The following MYRIP variants were observed in gnomAD, a reference collection of about 807,000 sequenced individuals.
MYRIP encodes rab effector MyRIP.
In MYRIP, 49 loss-of-function variants were observed where a neutral mutation model predicts 98.0. The observed-to-expected ratio is 0.50, with a 90% CI of 0.40 to 0.63. The LOEUF (loss-of-function observed/expected upper bound fraction) is 0.63, where lower values mean the gene tolerates loss of function less well. Ranked by LOEUF, MYRIP falls within the 30% of genes least tolerant of loss-of-function variation. MYRIP has a pLI of 0.00. For missense variants in MYRIP, 1,004 were observed against 1,058.2 expected (o/e 0.95, Z 0.71); for synonymous variants, 404 against 409.5 (o/e 0.99, Z 0.16).
chr3:39,979,675 A>C (rs1057363197), intron 2 of MYRIP, among the ~76,000 whole-genome samples: 13 of 152,024 alleles, frequency 8.6e-5, no homozygotes, highest in African/African-American at 2.4e-4. Context: ...AAAACAAAAA[A>C]AAACTAAGCA....
At chr3:40,192,187 G>A (rs192268799) in intron 10 of MYRIP, among the ~76,000 whole-genome samples, 11 of 150,074 alleles carry the variant, frequency 7.3e-5, no homozygotes, top group African/African-American at 2.7e-4. Context: ...AAGCTCCTGG[G>A]CTCAAACGAT....
intron 3 of MYRIP, among the ~76,000 whole-genome samples, chr3:40,137,630 C>T (rs746704030): frequency 3.3e-5 from 5 of 152,116 alleles, no homozygotes; most frequent in Non-Finnish European, 5.9e-5. Context: ...ATGCAAAAAT[C>T]CTCAATAAAA....
chr3:40,154,138 CAA>C (rs5848550), intron 4 of MYRIP, among the ~76,000 whole-genome samples: 3 of 138,404 alleles, frequency 2.2e-5, no homozygotes, highest in African/African-American at 2.8e-5. Context: ...GATTCCGTCT[CAA>C]AAAAAAAAAA....
chr3:39,964,720 CT>C (rs1345424688), intron 2 of MYRIP, among the ~76,000 whole-genome samples: 2 of 152,076 alleles, frequency 1.3e-5, no homozygotes, highest in Non-Finnish European at 2.9e-5. Flanking sequence ...TGTCATGAAC[CT>C]TTGAAGAAGA....
At chr3:39,836,818 G>GAGT (rs1302536085) in intron 1 of MYRIP, among the ~76,000 whole-genome samples, 1 of 152,220 alleles carries the variant, frequency 6.6e-6, no homozygotes, top group Non-Finnish European at 1.5e-5. Context: ...ATGGTTAAGA[G>GAGT]AGTAGTTCTA....
At chr3:40,165,272 A>G (rs1328400725) in intron 5 of MYRIP, among the ~76,000 whole-genome samples, 2 of 152,230 alleles carry the variant, frequency 1.3e-5, no homozygotes, top group African/African-American at 4.8e-5. Flanking sequence ...TGACATACTC[A>G]TCAGCTAGCT....
chr3:40,078,181 C>T (rs986715323), intron 3 of MYRIP, among the ~76,000 whole-genome samples: 2 of 152,258 alleles, frequency 1.3e-5, no homozygotes, highest in Non-Finnish European at 2.9e-5. Flanking sequence ...TGCTAAGCCC[C>T]TCATTGCCCA....
chr3:40,100,493 A>G (rs1012516322), intron 3 of MYRIP, among the ~76,000 whole-genome samples: 5 of 152,226 alleles, frequency 3.3e-5, no homozygotes, highest in Non-Finnish European at 5.9e-5. Context: ...CTATTTCAAC[A>G]ATATGGGTGG....
chr3:40,204,009 A>T (rs1256094081), intron 10 of MYRIP, among the ~76,000 whole-genome samples: 1 of 3,652 alleles, frequency 2.7e-4, no homozygotes, highest in African/African-American at 4.3e-4. Flanking sequence ...ATTATATATT[A>T]TATATAATAT....
At chr3:40,106,916 C>T (rs1211276002) in intron 3 of MYRIP, among the ~76,000 whole-genome samples, 1 of 151,544 alleles carries the variant, frequency 6.6e-6, no homozygotes, top group Non-Finnish European at 1.5e-5. Context: ...TTCTCTATGA[C>T]TTTTTTGATA....
At chr3:39,887,405 G>A (rs12629478) in intron 1 of MYRIP, among the ~76,000 whole-genome samples, 21,329 of 152,022 alleles carry the variant, frequency 0.14, 2,526 homozygotes, top group African/African-American at 0.32. Flanking sequence ...CCAGGAGCTG[G>A]TTTTTTGAAA....
At chr3:40,187,442 G>C (rs1951069626) in intron 9 of MYRIP, among the ~76,000 whole-genome samples, 1 of 152,196 alleles carries the variant, frequency 6.6e-6, no homozygotes, top group African/African-American at 2.4e-5. Context: ...GAGCCATCAG[G>C]AATTAATTTC....
At chr3:40,056,500 T>C (rs6763643) in intron 3 of MYRIP, among the ~76,000 whole-genome samples, 44,291 of 152,132 alleles carry the variant, frequency 0.29, 6,530 homozygotes, top group East Asian at 0.36. Context: ...TTTTCTTTTC[T>C]GGATAAACAT....
chr3:39,926,753 C>T (rs1293488105), intron 2 of MYRIP, among the ~76,000 whole-genome samples: 4 of 151,772 alleles, frequency 2.6e-5, no homozygotes, highest in Admixed American at 1.3e-4. Flanking sequence ...TTGTATAGTT[C>T]GAAATTGGGT....
intron 1 of MYRIP, among the ~76,000 whole-genome samples, chr3:39,895,714 A>C (rs1943590758): frequency 6.6e-6 from 1 of 152,210 alleles, no homozygotes; most frequent in African/African-American, 2.4e-5. Context: ...CTTCTACCTT[A>C]GTAAAATGAT....
intron 12 of MYRIP, 105 bp from the exon 13 acceptor site, chr3:40,244,340 GA>G: frequency 1.0e-6 from 1 of 958,226 alleles, no homozygotes; most frequent in South Asian, 2.3e-5. Flanking sequence ...CCTGCAATGT[GA>G]AGTCCAGTTA....
At chr3:39,839,648 G>T (rs981850326) in intron 1 of MYRIP, among the ~76,000 whole-genome samples, 2 of 152,092 alleles carry the variant, frequency 1.3e-5, no homozygotes, top group African/African-American at 4.8e-5. Flanking sequence ...TTAAACAGTG[G>T]TTTAGCTGTG....
intron 2 of MYRIP, among the ~76,000 whole-genome samples, chr3:39,938,131 G>A (rs1944698749): frequency 6.6e-6 from 1 of 152,144 alleles, no homozygotes; most frequent in African/African-American, 2.4e-5. Context: ...AGTTTCATAA[G>A]CCACCCTGTG....
chr3:40,191,444 C>T (rs1448342809), intron 10 of MYRIP, among the ~76,000 whole-genome samples: 1 of 152,094 alleles, frequency 6.6e-6, no homozygotes, highest in Non-Finnish European at 1.5e-5. Context: ...GCTGCCATGC[C>T]CTATACTCTT....
Sources: allele counts gnomAD v4.1 joint callset (sites outside exome capture counted in the v4.1 genomes callset), GRCh38; gene constraint gnomAD v4.1.1; transcripts MANE v1.5; gene names NCBI Gene and HGNC (gene_info 2026-07-23, HGNC 2026-07-21).